ANO10: variants seen among roughly 807,000 people sequenced by gnomAD.
ANO10 encodes anoctamin 10, also known as anoctamin-10.
A neutral mutation model predicts 74.7 loss-of-function variants in ANO10; 77 were observed. The ratio of observed to expected loss-of-function variants is 1.03; its 90% CI spans 0.86 to 1.25. ANO10 has a LOEUF of 1.25. ANO10 is among the 50% of genes most tolerant of loss of function. ANO10 has a pLI of 0.00. For synonymous variants in ANO10, 279 were observed against 284.9 expected (o/e 0.98, Z 0.21); for missense variants, 721 against 778.1 (o/e 0.93, Z 0.87).
intron 11 of ANO10, among the ~76,000 whole-genome samples, chr3:43,537,611 CCA>C (rs3223349): frequency 0.25 from 34,608 of 139,712 alleles, 4,536 homozygotes; most frequent in East Asian, 0.63. Flanking sequence ...ACTTTATAAA[CCA>C]CACACACACA....
chr3:43,561,282 C>A lies in ANO10; in HGVS notation c.1414G>T (p.Ala472Ser). ...TCATATAATGTAGCATCAATGTCTG[C>A]CTTTAAAGCCTGCACCTTCCTCTTC... is the stretch of plus-strand genomic sequence containing the variant. ...RVKRKVQALK[A>S]DIDATLYEQV... is the part of the protein sequence containing the mutation. The change falls in exon 9 of 13, where the codon GCA becomes TCA. Residue 472 changes from alanine (A) to serine (S), a missense_variant. Transcript: ENST00000292246. 1 of 1,614,150 alleles carries A rather than the reference C, an allele frequency of 6.2e-7. No homozygotes were observed. Among genetic ancestry groups the A allele is most frequent in the Non-Finnish European group, 8.5e-7 (1 of 1,180,032 alleles).
At chr3:43,371,151 C>T (rs1321162156) in intron 12 of ANO10, among the ~76,000 whole-genome samples, 2 of 152,160 alleles carry the variant, frequency 1.3e-5, no homozygotes, top group African/African-American at 2.4e-5. Flanking sequence ...TACTCCATTA[C>T]CCCTTCTCAC....
At chr3:43,391,327 AACTG>A (rs1389536509) in intron 12 of ANO10, among the ~76,000 whole-genome samples, 1 of 152,246 alleles carries the variant, frequency 6.6e-6, no homozygotes, top group Non-Finnish European at 1.5e-5. Flanking sequence ...ATAAAGCTGC[AACTG>A]ACTATTCTGA....
At chr3:43,512,667 T>A (rs2077555054) in intron 11 of ANO10, among the ~76,000 whole-genome samples, 1 of 152,142 alleles carries the variant, frequency 6.6e-6, no homozygotes, top group African/African-American at 2.4e-5. Flanking sequence ...ACTATAAAGA[T>A]GAAGTCACTA....
chr3:43,553,428 A>G (rs2079578718), intron 10 of ANO10, among the ~76,000 whole-genome samples: 1 of 152,040 alleles, frequency 6.6e-6, no homozygotes, highest in Non-Finnish European at 1.5e-5. Flanking sequence ...CTCCTTCTGT[A>G]ACTCCAGTGA....
intron 11 of ANO10, among the ~76,000 whole-genome samples, chr3:43,519,349 ACT>A (rs2077849805): frequency 6.6e-6 from 1 of 152,144 alleles, no homozygotes; most frequent in Admixed American, 6.5e-5. Flanking sequence ...TAGATTACAA[ACT>A]CACCGCTGGA....
upstream of ANO10, among the ~76,000 whole-genome samples, chr3:43,624,281 T>C (rs528810591): frequency 1.9e-4 from 29 of 152,336 alleles, no homozygotes; most frequent in South Asian, 6.2e-4. Context: ...CCTAGATGGC[T>C]GCTAAGTGAC....
chr3:43,549,827 C>T lies in ANO10; in HGVS notation c.1690G>A (p.Val564Ile). The change falls in exon 11 of 13, where the codon GTT (valine) becomes ATT (isoleucine). Residue 564 changes from valine to isoleucine, a missense_variant. Transcript: ENST00000292246. ...GCACAGTTAGTGACCACAGATATAA[C>T]ACTCATCGTTTCAAAAGCCAACTAA... The part of the protein sequence containing the change: ...VWQLAFETMS[V>I]ISVVTNCALI... 6.2e-7 allele frequency: 1 copy of T among 1,613,936 alleles called. No homozygotes were observed. The highest frequency in any genetic ancestry group is 8.5e-7 in the Non-Finnish European group (1 of 1,179,878).
intron 1 of ANO10, among the ~76,000 whole-genome samples, chr3:43,654,921 A>T (rs1295910042): frequency 1.3e-5 from 2 of 152,258 alleles, no homozygotes; most frequent in African/African-American, 2.4e-5. Context: ...AAAAGCATTT[A>T]AAAAGTTACA....
intron 1 of ANO10, among the ~76,000 whole-genome samples, chr3:43,653,421 C>T (rs1413344641): frequency 6.6e-6 from 1 of 152,152 alleles, no homozygotes; most frequent in Non-Finnish European, 1.5e-5. Flanking sequence ...AAGTAAAATA[C>T]ACATGGCTGC....
chr3:43,656,545 C>A (rs545095260), intron 1 of ANO10, among the ~76,000 whole-genome samples: 2 of 152,206 alleles, frequency 1.3e-5, no homozygotes, highest in Non-Finnish European at 2.9e-5. Flanking sequence ...TCAGGCATGG[C>A]GGGCTGCAGG....
chr3:43,473,067 A>G (rs1042520436), intron 11 of ANO10, among the ~76,000 whole-genome samples: 3 of 152,206 alleles, frequency 2.0e-5, no homozygotes, highest in African/African-American at 7.2e-5. Flanking sequence ...TTTCAAAGTA[A>G]TAAGTGGAGA....
chr3:43,387,774 G>A (rs574321304), intron 12 of ANO10, among the ~76,000 whole-genome samples: 3 of 152,222 alleles, frequency 2.0e-5, no homozygotes, highest in East Asian at 3.9e-4. Context: ...GAGTTCACAG[G>A]TGGCAGGACA....
At chr3:43,575,013 C>A in intron 6 of ANO10, 149 bp from the exon 7 acceptor site, 1 of 697,644 alleles carries the variant, frequency 1.4e-6, no homozygotes. Flanking sequence ...CACAGCTATG[C>A]CTTACCACCA....
At chr3:43,571,862 T>TAA (rs35839099) in intron 7 of ANO10, among the ~76,000 whole-genome samples, 3 of 118,548 alleles carry the variant, frequency 2.5e-5, no homozygotes, top group East Asian at 5.2e-4. Context: ...TTTCCTACAT[T>TAA]AAAAAAAAAA....
chr3:43,610,075 T>C (rs2082739923), intron 1 of ANO10, among the ~76,000 whole-genome samples: 2 of 152,156 alleles, frequency 1.3e-5, no homozygotes, highest in Non-Finnish European at 2.9e-5. Context: ...ACAAACACAT[T>C]GTACAGCTGT....
chr3:43,411,010 C>T (rs868208143), intron 12 of ANO10, among the ~76,000 whole-genome samples: 2 of 151,752 alleles, frequency 1.3e-5, no homozygotes, highest in African/African-American at 2.4e-5. Flanking sequence ...AGAAAAGTTC[C>T]GTAATAGCAG....
intron 8 of ANO10, among the ~76,000 whole-genome samples, chr3:43,563,253 A>C (rs972658060): frequency 6.6e-6 from 1 of 152,198 alleles, no homozygotes; most frequent in Admixed American, 6.5e-5. Context: ...ATGCAAATCA[A>C]AGCCACAATG....
intron 11 of ANO10, among the ~76,000 whole-genome samples, chr3:43,499,108 G>C (rs964394450): frequency 6.6e-6 from 1 of 152,126 alleles, no homozygotes; most frequent in Non-Finnish European, 1.5e-5. Flanking sequence ...ACTAGAGAGA[G>C]GGGCAGTTTG....
Sources: allele counts gnomAD v4.1 joint callset (sites outside exome capture counted in the v4.1 genomes callset), GRCh38; gene constraint gnomAD v4.1.1; transcripts MANE v1.5; gene names NCBI Gene and HGNC (gene_info 2026-07-23, HGNC 2026-07-21).